Variants in TTBK1 observed in about 807,000 individuals in gnomAD.
The protein encoded by TTBK1 is tau tubulin kinase 1, also known as tau-tubulin kinase 1.
A neutral mutation model predicts 108.5 loss-of-function variants in TTBK1; 34 were observed. That is an observed-to-expected ratio of 0.31 (90% CI 0.24 to 0.42). The LOEUF is 0.42. TTBK1 is among the 10% of genes least tolerant of loss of function. The pLI is 1.00. For synonymous variants in TTBK1, 809 were observed against 795.1 expected (o/e 1.02, Z -0.29); for missense variants, 1,539 against 1,826.0 (o/e 0.84, Z 2.86).
chr6:43,284,901 G>A (rs1778317511), intron 14 of TTBK1, 82 bp from the exon 15 acceptor site: 8 of 1,432,758 alleles, frequency 5.6e-6, no homozygotes, highest in Non-Finnish European at 7.3e-6. Flanking sequence ...CCAGTGCTCA[G>A]TGCCCAGGAG....
rs979160654 is a variant in TTBK1, at chr6:43,285,502, C to G, written c.*126C>G. ...GCGCGCCACCCGCGGCCCCAGCTTT[C>G]CGCCTGCACCCGCGAGGACGCGCGC... On this transcript the variant is annotated 3_prime_UTR_variant, in exon 15 of 15. Transcript: ENST00000259750. This position sits in a 1 kb window ranked among gnomAD's most constrained non-coding sequence, Gnocchi z 4.7. 17 of 1,177,852 alleles carry G rather than the reference C, an allele frequency of 1.4e-5. 1 individual carries two copies. Among genetic ancestry groups the G allele is most frequent in the Non-Finnish European group, 3.2e-6 (3 of 943,016 alleles). 73.0% of individuals were successfully genotyped at this position (1,177,852 alleles called of 1,614,324 possible).
rs925235521 is a variant in TTBK1, at chr6:43,263,280, C to T, written c.1916C>T (p.Ser639Phe). Residue 639 changes from serine (S) to phenylalanine (F), a missense_variant, in exon 13 of 15, where the codon TCC becomes TTC. By Grantham distance (155) the Ser-to-Phe change is radical (BLOSUM62 -2). Transcript: ENST00000259750. The surrounding 1 kb of genome is among the most constrained non-coding windows in gnomAD (Gnocchi z 4.7). ...CAGCCCCCCACGCCTGGCAGCCCTT[C>T]CCACTCACCCCTGCACTCGGGACCC... ...TSQPPTPGSP[S>F]HSPLHSGPRP... The T allele has an allele frequency of 5.9e-6, 9 of 1,524,782 alleles. No homozygotes were observed. The highest frequency in any genetic ancestry group is 7.9e-6 in the Non-Finnish European group (9 of 1,133,588). The allele number at this position is 1,524,782 out of a possible 1,614,324, so 94.5% of individuals were successfully genotyped here.
At chr6:43,246,503 G>T in intron 1 of TTBK1, 104 bp from the exon 2 acceptor site, 1 of 559,266 alleles carries the variant, frequency 1.8e-6, no homozygotes, top group Non-Finnish European at 3.2e-6. Context: ...CTGTCCAGTG[G>T]GGCCAGGAAG....
chr6:43,247,644 G>T (rs991086136), intron 2 of TTBK1, among the ~76,000 whole-genome samples: 10 of 151,996 alleles, frequency 6.6e-5, no homozygotes, highest in African/African-American at 2.2e-4. Context: ...CCTCTGAGTC[G>T]TGTGTGTGTG....
intron 12 of TTBK1, among the ~76,000 whole-genome samples, chr6:43,261,676 G>A (rs1777542191): frequency 6.6e-6 from 1 of 152,010 alleles, no homozygotes; most frequent in Non-Finnish European, 1.5e-5. Flanking sequence ...TTAGGGAGGC[G>A]TGGTGGTGTG....
At chr6:43,270,679 G>T in intron 13 of TTBK1, 1 of 985,458 alleles carries the variant, frequency 1.0e-6, no homozygotes, top group Non-Finnish European at 1.2e-6. Context: ...TCCCTGGTAG[G>T]ATTGGGTGTC....
At chr6:43,280,456 C>A (rs2150712131) in intron 13 of TTBK1, among the ~76,000 whole-genome samples, 1 of 152,270 alleles carries the variant, frequency 6.6e-6, no homozygotes, top group Non-Finnish European at 1.5e-5. Context: ...GCTTATATGA[C>A]CTCATTTATG....
At chr6:43,280,293 TC>T (rs1186466517) in intron 13 of TTBK1, among the ~76,000 whole-genome samples, 2 of 152,120 alleles carry the variant, frequency 1.3e-5, no homozygotes, top group Non-Finnish European at 2.9e-5. Flanking sequence ...CCCCCTCCTT[TC>T]CCCACACGCT....
At position 43,285,364 on chromosome 6, in the gene TTBK1, T is replaced by C; in HGVS notation, c.3954T>C (p.Ala1318=). 7.8e-7 allele frequency: 1 copy of C among 1,279,944 alleles called. No homozygotes were observed. Among genetic ancestry groups the C allele is most frequent in the Admixed American group, 4.2e-5 (1 of 23,832 alleles). The allele number at this position is 1,279,944 out of a possible 1,614,324, so 79.3% of individuals were successfully genotyped here. The change falls in exon 15 of 15, where the codon GCT becomes GCC. Residue 1318 remains alanine, a synonymous_variant. Transcript: ENST00000259750. The surrounding 1 kb of genome is among the most constrained non-coding windows in gnomAD (Gnocchi z 4.7). ...KGRAGGAEGR[A]GAR ...GGGCAGGAGGCGCGGAGGGCCGGGC[T>C]GGGGCCAGATAATGACGCCCGCTGC...
chr6:43,247,576 C>G (rs748281665), intron 2 of TTBK1, among the ~76,000 whole-genome samples: 3 of 150,032 alleles, frequency 2.0e-5, no homozygotes, highest in Non-Finnish European at 4.4e-5. Flanking sequence ...GGGACTGCAC[C>G]GGAGTGGGGA....
At chr6:43,267,599 A>C (rs1169367091) in intron 13 of TTBK1, among the ~76,000 whole-genome samples, 1 of 152,170 alleles carries the variant, frequency 6.6e-6, no homozygotes, top group Non-Finnish European at 1.5e-5. Flanking sequence ...ATTTTAAAGT[A>C]TCTATTGTTC....
Position 43,257,674 on chromosome 6 carries a change from T to C in TTBK1, c.862-138T>C. 1 of 747,840 alleles carries C rather than the reference T, an allele frequency of 1.3e-6. No homozygotes were observed. The highest frequency in any genetic ancestry group is 2.6e-5 in the Admixed American group (1 of 38,450). 46.3% of individuals were successfully genotyped at this position (747,840 alleles called of 1,614,324 possible). On this transcript the variant is annotated intron_variant, in intron 9 of 14. Transcript: ENST00000259750. The surrounding 1 kb of genome is among the most constrained non-coding windows in gnomAD (Gnocchi z 4.5). ...TTCATTTAAAATCAATGTGCCGTTCTCCTTCCAATGCCCCCTCCAGGCCCA... is the reference window on the plus strand; with the variant it reads ...TTCATTTAAAATCAATGTGCCGTTCCCCTTCCAATGCCCCCTCCAGGCCCA...
chr6:43,272,394 C>G (rs564118512), intron 13 of TTBK1: 3 of 985,476 alleles, frequency 3.0e-6, no homozygotes, highest in Admixed American at 6.1e-5. Flanking sequence ...TTCAGCATTA[C>G]ATACATATTA....
intron 13 of TTBK1, among the ~76,000 whole-genome samples, chr6:43,275,861 A>G (rs2150707933): frequency 6.8e-6 from 1 of 147,414 alleles, no homozygotes; most frequent in South Asian, 2.2e-4. Flanking sequence ...TGCTCCGTCG[A>G]CCCCGCTCCC....
rs1027596075 is a variant in TTBK1, at chr6:43,265,226, G to A, written c.1986+1876G>A. 3.2e-4 allele frequency among the ~76,000 whole-genome samples: 48 copies of A among 152,316 alleles called. No individual in the cohort carries two copies. The highest frequency in any genetic ancestry group is 1.1e-3 in the African/African-American group (46 of 41,572). The stretch of plus-strand genomic sequence containing the variant: ...CGTACACTCTAGGTGGCTCTGGGAG[G>A]TGCCCAGGTGTTGGGCCAGGGGCCA... On this transcript the variant is annotated intron_variant, in intron 13 of 14. Coordinates refer to ENST00000259750, the MANE Select transcript of TTBK1 (RefSeq NM_032538.3). The surrounding 1 kb of genome is among the most constrained non-coding windows in gnomAD (Gnocchi z 4.1).
rs1777315736 is a variant in TTBK1 at position 43,253,873 on chromosome 6, T to A, written c.471+165T>A. The stretch of plus-strand genomic sequence containing the variant: ...GCTCTCCTTCCCAGGCCCCATCTCT[T>A]CCTCTCCCGTGCTCCCCAGGAGCAT... On this transcript the variant is annotated intron_variant, in intron 5 of 14. Transcript: ENST00000259750. The surrounding 1 kb of genome is among the most constrained non-coding windows in gnomAD (Gnocchi z 5.8). 6.6e-6 allele frequency among the ~76,000 whole-genome samples: 1 copy of A among 152,244 alleles called. No individual in the cohort carries two copies. The highest frequency in any genetic ancestry group is 2.4e-5 in the African/African-American group (1 of 41,534).
intron 5 of TTBK1, 32 bp from the exon 6 acceptor site, chr6:43,254,515 C>A (rs1291868084): frequency 2.7e-6 from 4 of 1,498,436 alleles, no homozygotes; most frequent in African/African-American, 1.4e-5. Flanking sequence ...GGGGTTGGGG[C>A]CCCCAGAGCT....
rs986293114 is a variant in TTBK1, at chr6:43,269,993, T to C, written c.1986+6643T>C. 3 of 1,403,100 alleles carry C rather than the reference T, an allele frequency of 2.1e-6. No homozygotes were observed. In the African/African-American group the frequency reaches 5.0e-5, roughly 23 times the overall value. The allele number at this position is 1,403,100 out of a possible 1,614,324, so 86.9% of individuals were successfully genotyped here. A position where few individuals can be genotyped will look rare whatever the true frequency, so the allele number is the denominator to read the frequency against. On this transcript the variant is annotated intron_variant, in intron 13 of 14. Coordinates refer to ENST00000259750, the MANE Select transcript of TTBK1 (RefSeq NM_032538.3). The surrounding 1 kb of genome is among the most constrained non-coding windows in gnomAD (Gnocchi z 4.8). ...CCTGGAGGGGGCAGGTGGGGGGGGG[T>C]GGGGAGCAGGCAGAGGACCATGGTT...
In TTBK1 at chr6:43,259,319, G is replaced by C. The variant is rs757816058; in HGVS notation, c.1248+50G>C. On this transcript the variant is annotated intron_variant, in intron 11 of 14. Transcript: ENST00000259750. This position sits in a 1 kb window ranked among gnomAD's most constrained non-coding sequence, Gnocchi z 6.7. ...GTGGGTGGCCTTTTCTCTCACCCCC[G>C]ATTCCCAGCCTTGTGCCCCTGCCCT... 6.8e-7 allele frequency: 1 copy of C among 1,460,202 alleles called. No individual in the cohort carries two copies. Among genetic ancestry groups the C allele is most frequent in the Admixed American group, 2.2e-5 (1 of 44,800 alleles). The allele number at this position is 1,460,202 out of a possible 1,614,324, so 90.5% of individuals were successfully genotyped here. A position where few individuals can be genotyped will look rare whatever the true frequency, so the allele number is the denominator to read the frequency against.
Sources: allele counts gnomAD v4.1 joint callset (sites outside exome capture counted in the v4.1 genomes callset), GRCh38; gene constraint gnomAD v4.1.1; non-coding constraint Gnocchi (gnomAD v3.1); transcripts MANE v1.5; gene names NCBI Gene and HGNC (gene_info 2026-07-23, HGNC 2026-07-21).